DLGAP3: variants seen among roughly 807,000 people sequenced by gnomAD.
DLGAP3 encodes the protein disks large-associated protein 3.
DLGAP3 carries 17 observed loss-of-function variants against 81.2 expected under a neutral mutation model. The observed-to-expected ratio is 0.21, with a 90% confidence interval of 0.14 to 0.31. DLGAP3 has a LOEUF of 0.31. DLGAP3 is among the 10% of genes least tolerant of loss of function. The pLI is 1.00. For synonymous variants in DLGAP3, 577 were observed against 587.4 expected (o/e 0.98, Z 0.26); for missense variants, 1,124 against 1,388.0 (o/e 0.81, Z 3.02).
chr1:34,885,124 G>T (rs1415130982), intron 7 of DLGAP3, 61 bp from the exon 8 acceptor site: 2 of 1,493,416 alleles, frequency 1.3e-6, no homozygotes, highest in Non-Finnish European at 1.9e-6. Flanking sequence ...CCTTCCCGGG[G>T]AGAACGGCTA....
intron 1 of DLGAP3, among the ~76,000 whole-genome samples, chr1:34,927,509 G>A (rs992163113): frequency 2.6e-5 from 4 of 152,126 alleles, no homozygotes; most frequent in Admixed American, 6.5e-5. Flanking sequence ...AAAACTCAGC[G>A]GGCCCTGCCT....
At chr1:34,887,819 G>T (rs1489746688) in intron 5 of DLGAP3, among the ~76,000 whole-genome samples, 2 of 152,192 alleles carry the variant, frequency 1.3e-5, no homozygotes, top group Non-Finnish European at 2.9e-5. Flanking sequence ...TGTCAAATGG[G>T]AGTGATAATG....
rs746610063 is a variant in DLGAP3, at chr1:34,900,285, G to A, written c.1108-12C>T. 1.2e-6 allele frequency: 2 copies of A among 1,612,592 alleles called. No individual in the cohort carries two copies. On this transcript the variant is annotated splice_polypyrimidine_tract_variant and intron_variant, in intron 3 of 11. Coordinates refer to ENST00000373347, the MANE Select transcript of DLGAP3 (RefSeq NM_001080418.3). The surrounding 1 kb of genome is among the most constrained non-coding windows in gnomAD (Gnocchi z 5.6). ...TCATCTTGCGGCACCTGCAGGAACA[G>A]GGGTCTCTGTCTCTCAGACATGACC...
chr1:34,887,221 C>T (rs1639247771), intron 5 of DLGAP3, among the ~76,000 whole-genome samples: 1 of 151,988 alleles, frequency 6.6e-6, no homozygotes, highest in African/African-American at 2.4e-5. Context: ...TCTCAAAGTG[C>T]TGGGATTATA....
chr1:34,898,455 A>G (rs1253043316), intron 5 of DLGAP3, among the ~76,000 whole-genome samples: 2 of 152,244 alleles, frequency 1.3e-5, no homozygotes, highest in African/African-American at 2.4e-5. Flanking sequence ...TGGGTTTAAC[A>G]ACATAGGCTG....
At position 34,868,574 on chromosome 1, in the gene DLGAP3, A is replaced by T. The variant is rs1399887536; in HGVS notation, c.2485+31T>A. ...GAGCACACACGAGGCCATGGTCCCC[A>T]GAGTCCCCTTGTTCCGATGCCGTGA... On this transcript the variant is annotated intron_variant, in intron 9 of 11. Coordinates refer to ENST00000373347, the MANE Select transcript of DLGAP3 (RefSeq NM_001080418.3). This position sits in a 1 kb window ranked among gnomAD's most constrained non-coding sequence, Gnocchi z 7.5. 2 of 1,583,408 alleles carry T rather than the reference A, an allele frequency of 1.3e-6. No individual in the cohort carries two copies. Among genetic ancestry groups the T allele is most frequent in the Non-Finnish European group, 1.7e-6 (2 of 1,154,602 alleles).
chr1:34,916,987 C>A (rs2148418568), intron 1 of DLGAP3, among the ~76,000 whole-genome samples: 1 of 152,234 alleles, frequency 6.6e-6, no homozygotes, highest in East Asian at 1.9e-4. Flanking sequence ...CGTGAGCCAC[C>A]GTGCCTGGCC....
In DLGAP3 at chr1:34,865,649, C is replaced by G; in HGVS notation, c.*434G>C. 2 of 274,698 alleles carry G rather than the reference C, an allele frequency of 7.3e-6. No homozygotes were observed. Among genetic ancestry groups the G allele is most frequent in the Non-Finnish European group, 1.4e-5 (2 of 140,720 alleles). The allele number at this position is 274,698 out of a possible 1,614,324, so 17.0% of individuals were successfully genotyped here. ...AGCCCCTGGGAGGGTGGGGCGGGCT[C>G]CTAGGCAGGGTTCGGGATTCTTCAT... On this transcript the variant is annotated 3_prime_UTR_variant, in exon 12 of 12. Transcript: ENST00000373347.
chr1:34,906,345 G>A (rs7549466), intron 2 of DLGAP3, among the ~76,000 whole-genome samples: 50,104 of 151,566 alleles, frequency 0.33, 9,614 homozygotes, highest in East Asian at 0.49. Flanking sequence ...ACACCCCACT[G>A]TTGCAAGAGC....
At chr1:34,875,104 G>C (rs969253901) in intron 8 of DLGAP3, among the ~76,000 whole-genome samples, 1 of 152,138 alleles carries the variant, frequency 6.6e-6, no homozygotes, top group African/African-American at 2.4e-5. Context: ...CCAGGGCTTT[G>C]GGCAGTCAGC....
rs185863578 is a variant in DLGAP3, at chr1:34,915,608, C to T, written c.-134-8171G>A. Among the ~76,000 whole-genome samples, 63 of 152,338 alleles carry T rather than the reference C, an allele frequency of 4.1e-4. 1 individual carries two copies. The East Asian group carries it at 0.012, about 28-fold the overall frequency. On this transcript the variant is annotated intron_variant, in intron 1 of 11. Transcript: ENST00000373347. ...GGCTTCTAGCAACAAGGCCTGAGCC[C>T]TCCTTCTGAGCCTTTCCCACAGGAG...
rs114609839 is a variant in DLGAP3, at chr1:34,901,132, G to C, written c.1108-859C>G. The stretch of plus-strand genomic sequence containing the variant: ...TGTTGAGCAGGTGGTTGGATGTTTG[G>C]TTCTGGGATTCAGTGGGGAGATCGG... On this transcript the variant is annotated intron_variant, in intron 3 of 11. Coordinates refer to ENST00000373347, the MANE Select transcript of DLGAP3 (RefSeq NM_001080418.3). 1.0e-2 allele frequency among the ~76,000 whole-genome samples: 1,519 copies of C among 152,218 alleles called. 12 individuals are homozygous for C. The highest frequency in any genetic ancestry group is 0.034 in the African/African-American group (1,416 of 41,512).
chr1:34,916,639 CTTTTA>C (rs1364260612), intron 1 of DLGAP3, among the ~76,000 whole-genome samples: 1 of 150,862 alleles, frequency 6.6e-6, no homozygotes, highest in African/African-American at 2.4e-5. Flanking sequence ...GAACAGAATA[CTTTTA>C]TTTTTTATTT....
chr1:34,884,221 G>A (rs1359138070), intron 8 of DLGAP3, among the ~76,000 whole-genome samples: 1 of 151,856 alleles, frequency 6.6e-6, no homozygotes, highest in Non-Finnish European at 1.5e-5. Context: ...ACCTGGCCTG[G>A]GACACTAGTT....
chr1:34,889,668 T>C (rs1639284523), intron 5 of DLGAP3, among the ~76,000 whole-genome samples: 1 of 152,248 alleles, frequency 6.6e-6, no homozygotes, highest in South Asian at 2.1e-4. Context: ...TCGTGTATAC[T>C]TTACTTGTGT....
In DLGAP3 at chr1:34,885,683, G is replaced by A. The variant is rs755789996; in HGVS notation, c.1709C>T (p.Thr570Met). ...GCGCCGGGCGGGGCCCTCGGCCGCCGTGAAGCTCTCGTGCGCGGAGTCGGT... is the reference window on the plus strand; with the variant it reads ...GCGCCGGGCGGGGCCCTCGGCCGCCATGAAGCTCTCGTGCGCGGAGTCGGT... The part of the protein sequence containing the change: ...SSTDSAHESF[T>M]AAEGPARRCS... Residue 570 changes from threonine to methionine, a missense_variant, in exon 7 of 12, where the codon ACG becomes ATG. This residue lies in a region of DLGAP3 where 379 missense variants were observed against 455.7 expected (regional missense o/e 0.83). Transcript: ENST00000373347. 160 of 1,409,176 alleles carry A rather than the reference G, an allele frequency of 1.1e-4. No individual in the cohort carries two copies. The highest frequency in any genetic ancestry group is 1.4e-4 in the Non-Finnish European group (157 of 1,091,222). The allele number at this position is 1,409,176 out of a possible 1,614,324, so 87.3% of individuals were successfully genotyped here.
In DLGAP3 at chr1:34,867,614, G is replaced by A; in HGVS notation, c.2499C>T (p.Ile833=). The A allele has an allele frequency of 6.2e-7, 1 of 1,613,132 alleles. No individual in the cohort carries two copies. The highest frequency in any genetic ancestry group is 8.5e-7 in the Non-Finnish European group (1 of 1,179,144). The change falls in exon 10 of 12, where the codon ATC becomes ATT. Residue 833 remains isoleucine (I), a synonymous_variant. Transcript: ENST00000373347. This position sits in a 1 kb window ranked among gnomAD's most constrained non-coding sequence, Gnocchi z 4.3. The part of the protein sequence containing the change: ...YELPEEILEK[I]RSAVGSTQLL... ...GTTGTGTGCTGCCCACAGCACTGCGGATCTTCTCCAGGACTAGAAAGCAGA... is the reference window on the plus strand; with the variant it reads ...GTTGTGTGCTGCCCACAGCACTGCGAATCTTCTCCAGGACTAGAAAGCAGA...
At chr1:34,927,725 G>A (rs1373383277) in intron 1 of DLGAP3, among the ~76,000 whole-genome samples, 3 of 150,732 alleles carry the variant, frequency 2.0e-5, no homozygotes, top group Non-Finnish European at 4.4e-5. Flanking sequence ...TTAGGCATTG[G>A]CAGCTGGGTG....
chr1:34,886,330 G>A (rs763698923), intron 5 of DLGAP3, 45 bp from the exon 6 acceptor site: 15 of 1,511,594 alleles, frequency 9.9e-6, no homozygotes, highest in Non-Finnish European at 1.2e-5. Flanking sequence ...GTGCCGGGAG[G>A]GGGTGGAAGT....
Sources: gnomAD v4.1 joint callset for allele counts (sites outside exome capture counted in the v4.1 genomes callset) on GRCh38, gnomAD v4.1.1 for gene constraint, gnomAD v4.1.1 regional missense constraint, Gnocchi (gnomAD v3.1) non-coding constraint, MANE v1.5 for transcripts, NCBI Gene and HGNC (gene_info 2026-07-23, HGNC 2026-07-21) for gene names.